Variants in ADIPOQ observed in about 807,000 individuals in gnomAD.
The protein encoded by ADIPOQ is adiponectin.
A neutral mutation model predicts 16.1 loss-of-function variants in ADIPOQ; 19 were observed. The observed-to-expected ratio is 1.18, with a 90% CI of 0.82 to 1.73. The LOEUF (loss-of-function observed/expected upper bound fraction) is 1.73. Ranked by LOEUF, ADIPOQ falls within the 40% of genes most tolerant of loss-of-function variation. The pLI is 0.00. For synonymous variants in ADIPOQ, 124 were observed against 125.5 expected (o/e 0.99, Z 0.08); for missense variants, 323 against 308.3 (o/e 1.05, Z -0.36).
intron 1 of ADIPOQ, among the ~76,000 whole-genome samples, chr3:186,843,849 C>A (rs564257921): frequency 6.6e-5 from 10 of 152,200 alleles, no homozygotes; most frequent in African/African-American, 2.2e-4. Flanking sequence ...GTTTCTGAGG[C>A]ATCCTGGTTG....
intron 2 of ADIPOQ, among the ~76,000 whole-genome samples, chr3:186,853,612 C>T (rs1168065867): frequency 1.3e-5 from 2 of 152,168 alleles, no homozygotes; most frequent in Admixed American, 6.5e-5. Context: ...ATTTACTGCA[C>T]ACCCCCTGAA....
At chr3:186,852,002 A>G (rs948668007) in intron 1 of ADIPOQ, 2 of 167,778 alleles carry the variant, frequency 1.2e-5, no homozygotes, top group Non-Finnish European at 1.2e-5. Flanking sequence ...AGGGGAAGCA[A>G]GCACATCACA....
In ADIPOQ at chr3:186,857,031, C is replaced by T. The variant is rs1433216139; in HGVS notation, c.*2327C>T. The T allele has an allele frequency of 1.3e-5, 2 of 152,208 alleles. No individual in the cohort carries two copies. The highest frequency in any genetic ancestry group is 4.8e-5 in the African/African-American group (2 of 41,454). The allele number at this position is 152,208 out of a possible 1,614,324, so 9.4% of individuals were successfully genotyped here. ...CCCTCAGGTGCTACACAGTATAGTTCTAGGGTTTCCCTCCCGATATCAAAA... is the reference window on the plus strand; with the variant it reads ...CCCTCAGGTGCTACACAGTATAGTTTTAGGGTTTCCCTCCCGATATCAAAA... On this transcript the variant is annotated 3_prime_UTR_variant, in exon 3 of 3. Coordinates refer to ENST00000320741, the MANE Select transcript of ADIPOQ (RefSeq NM_004797.4).
At chr3:186,851,830 C>T (rs1021594624) in intron 1 of ADIPOQ, 2 of 152,104 alleles carry the variant, frequency 1.3e-5, no homozygotes, top group African/African-American at 4.8e-5. Flanking sequence ...TAGAGCTAAG[C>T]CAGGTGTATA....
At chr3:186,853,356 T>C (rs1462235912) in intron 2 of ADIPOQ, 84 bp downstream of exon 2, 2 of 1,467,230 alleles carry the variant, frequency 1.4e-6, no homozygotes, top group Non-Finnish European at 1.9e-6. Context: ...AACTAAGGCC[T>C]AGACACAGGG....
Position 186,855,089 on chromosome 3 carries a change from A to G in ADIPOQ, c.*385A>G. ...CTAAGGTCACACAGTATTAAGTGAC[A>G]GTGCTAGAAATCAAACCCAGAGCTG... On this transcript the variant is annotated 3_prime_UTR_variant, in exon 3 of 3. Transcript: ENST00000320741. The G allele has an allele frequency of 3.3e-6, 1 of 298,920 alleles. No homozygotes were observed. The highest frequency in any genetic ancestry group is 6.4e-6 in the Non-Finnish European group (1 of 155,836). 18.5% of individuals were successfully genotyped at this position (298,920 alleles called of 1,614,324 possible).
intron 1 of ADIPOQ, among the ~76,000 whole-genome samples, chr3:186,848,273 A>AGAAGGAAGGAAGGAAG (rs1348397321): frequency 9.5e-6 from 1 of 105,672 alleles, no homozygotes; most frequent in Non-Finnish European, 2.0e-5. Context: ...AAGGAAGGAA[A>AGAAGGAAGGAAGGAAG]GAAGGAAGGA....
intron 1 of ADIPOQ, among the ~76,000 whole-genome samples, chr3:186,846,356 T>A (rs1579203810): frequency 6.6e-6 from 1 of 152,104 alleles, no homozygotes; most frequent in East Asian, 1.9e-4. Context: ...CTCAGCCTCC[T>A]GAGTACCTGG....
At chr3:186,843,756 T>C (rs945848757) in intron 1 of ADIPOQ, among the ~76,000 whole-genome samples, 6 of 151,720 alleles carry the variant, frequency 4.0e-5, no homozygotes, top group South Asian at 4.2e-4. Context: ...AAAATTGTAA[T>C]TAAAAAAAAA....
At chr3:186,853,987 T>G (rs1277541168) in intron 2 of ADIPOQ, 197 bp from the exon 3 acceptor site, 4 of 594,776 alleles carry the variant, frequency 6.7e-6, no homozygotes, top group Non-Finnish European at 1.2e-5. Context: ...AGAGTTGAAA[T>G]TATGGGAGCC....
In ADIPOQ at chr3:186,857,945, CT is replaced by C; in HGVS notation, c.*3244del. The C allele has an allele frequency of 6.7e-6, 1 of 148,424 alleles. No homozygotes were observed. Among genetic ancestry groups the C allele is most frequent in the South Asian group, 2.2e-4 (1 of 4,612 alleles). The allele number at this position is 148,424 out of a possible 1,614,324, so 9.2% of individuals were successfully genotyped here. A position where few individuals can be genotyped will look rare whatever the true frequency, so the allele number is the denominator to read the frequency against. On this transcript the variant is annotated 3_prime_UTR_variant, in exon 3 of 3. Coordinates refer to ENST00000320741, the MANE Select transcript of ADIPOQ (RefSeq NM_004797.4). ...CCTTCCTTTCTTTCTCTCTCTCTCTCTTTCCTTCCTTCCTTCCTCCTTTTCT... is the reference window on the plus strand; with the variant it reads ...CCTTCCTTTCTTTCTCTCTCTCTCTCTTCCTTCCTTCCTTCCTCCTTTTCT...
chr3:186,844,076 G>A (rs1482968214), intron 1 of ADIPOQ, among the ~76,000 whole-genome samples: 1 of 152,194 alleles, frequency 6.6e-6, no homozygotes, highest in East Asian at 1.9e-4. Context: ...CTTTATGCTA[G>A]CAGAATATGT....
chr3:186,854,852 C>T lies in ADIPOQ; in HGVS notation c.*148C>T, dbSNP rs955065908. ...CTCATTCATTTATTCATTCATTCAT[C>T]GAGTAACTTTAAAAAAATCATATGC... On this transcript the variant is annotated 3_prime_UTR_variant, in exon 3 of 3. Coordinates refer to ENST00000320741, the MANE Select transcript of ADIPOQ (RefSeq NM_004797.4). 2.5e-6 allele frequency: 3 copies of T among 1,218,394 alleles called. No individual in the cohort carries two copies. The highest frequency in any genetic ancestry group is 3.5e-6 in the Non-Finnish European group (3 of 860,538). 75.5% of individuals were successfully genotyped at this position (1,218,394 alleles called of 1,614,324 possible). A position where few individuals can be genotyped will look rare whatever the true frequency, so the allele number is the denominator to read the frequency against.
chr3:186,848,626 T>C (rs963559102), intron 1 of ADIPOQ, among the ~76,000 whole-genome samples: 1 of 152,208 alleles, frequency 6.6e-6, no homozygotes, highest in East Asian at 1.9e-4. Flanking sequence ...ATCATTTTCA[T>C]GTGGCATTTT....
intron 2 of ADIPOQ, 40 bp downstream of exon 2, chr3:186,853,312 C>T (rs749411707): frequency 6.5e-7 from 1 of 1,546,426 alleles, no homozygotes; most frequent in Non-Finnish European, 8.8e-7. Flanking sequence ...AGACCTCCTA[C>T]ACTGATATAA....
At chr3:186,848,261 G>GGAAA (rs1307772016) in intron 1 of ADIPOQ, among the ~76,000 whole-genome samples, 30 of 117,862 alleles carry the variant, frequency 2.5e-4, no homozygotes, top group Admixed American at 2.0e-3. Flanking sequence ...AAGGAAGGAA[G>GGAAA]GAAGGAAGGA....
At chr3:186,853,337 T>A in intron 2 of ADIPOQ, 65 bp downstream of exon 2, 1 of 1,517,454 alleles carries the variant, frequency 6.6e-7, no homozygotes, top group Non-Finnish European at 9.0e-7. Flanking sequence ...TATGAAGGCA[T>A]TCATTATTAA....
intron 1 of ADIPOQ, among the ~76,000 whole-genome samples, chr3:186,848,949 A>G (rs1170233226): frequency 6.6e-6 from 1 of 152,096 alleles, no homozygotes; most frequent in Non-Finnish European, 1.5e-5. Context: ...ACACTCTTGT[A>G]TTTTTGGCAC....
Position 186,855,459 on chromosome 3 carries a change from CT to C in ADIPOQ, c.*768del, listed in dbSNP as rs11377702. Reference sequence around the variant, plus strand: ...AGGAGCTTCTCTGATGTGATATCCACTTTTTTTTTTTTTGAGATGGAGTCTC... The same window carrying C: ...AGGAGCTTCTCTGATGTGATATCCACTTTTTTTTTTTTGAGATGGAGTCTC... On this transcript the variant is annotated 3_prime_UTR_variant, in exon 3 of 3. Transcript: ENST00000320741. The C allele has an allele frequency of 9.7e-5, 14 of 144,500 alleles. No homozygotes were observed. Among genetic ancestry groups the C allele is most frequent in the Middle Eastern group, 3.5e-3 (1 of 286 alleles). The allele number at this position is 144,500 out of a possible 1,614,324, so 9.0% of individuals were successfully genotyped here.
Sources: allele counts gnomAD v4.1 joint callset (sites outside exome capture counted in the v4.1 genomes callset), GRCh38; gene constraint gnomAD v4.1.1; transcripts MANE v1.5; gene names NCBI Gene and HGNC (gene_info 2026-07-23, HGNC 2026-07-21).